Variants in PLAT observed in about 807,000 individuals in gnomAD.
PLAT encodes plasminogen activator, tissue type.
A neutral mutation model predicts 74.9 loss-of-function variants in PLAT; 48 were observed. That is an observed-to-expected ratio of 0.64 (90% CI 0.51 to 0.82). The LOEUF (loss-of-function observed/expected upper bound fraction) is 0.82. Among genes scored for constraint, PLAT ranks in the 40% least tolerant of loss-of-function variants. The probability of loss-of-function intolerance (pLI) is 0.00; values close to 1 mark genes in which losing one functional copy is unlikely to be tolerated. For missense variants in PLAT, 673 were observed against 736.2 expected (o/e 0.91, Z 0.99); for synonymous variants, 307 against 294.4 (o/e 1.04, Z -0.44).
chr8:42,199,261 A>C (rs758650735), intron 1 of PLAT, among the ~76,000 whole-genome samples: 1 of 152,184 alleles, frequency 6.6e-6, no homozygotes, highest in Non-Finnish European at 1.5e-5. Flanking sequence ...AGAAGAGAGG[A>C]AGAGTCTGTT....
At chr8:42,178,155 T>A (rs1456459392) in intron 13 of PLAT, among the ~76,000 whole-genome samples, 1 of 152,238 alleles carries the variant, frequency 6.6e-6, no homozygotes, top group Non-Finnish European at 1.5e-5. Context: ...TTTGAAAACT[T>A]CTTTCTCACA....
At chr8:42,185,698 T>C (rs1221859267) in intron 6 of PLAT, 1 of 152,368 alleles carries the variant, frequency 6.6e-6, no homozygotes, top group African/African-American at 2.4e-5. Flanking sequence ...AGGTGTGGAC[T>C]GGAATAGTCT....
chr8:42,189,015 G>T lies in PLAT; in HGVS notation c.172C>A (p.Arg58Ser), dbSNP rs767004270. Residue 58 changes from arginine (R) to serine (S), a missense_variant, in exon 4 of 14, where the codon CGC (arginine) becomes AGC (serine). Physicochemically the swap from Arg to Ser is moderately radical, Grantham distance 110 (BLOSUM62 -1). Coordinates refer to ENST00000220809, the MANE Select transcript of PLAT (RefSeq NM_000930.5). ...ACCCGGTTGCTTCTGAGCACAGGGC[G>T]CAGCCATGACTGATGTTGCTGGTAT... ...MIYQQHQSWL[R>S]PVLRSNRVEY... The T allele has an allele frequency of 6.2e-7, 1 of 1,613,808 alleles. No individual in the cohort carries two copies. Among genetic ancestry groups the T allele is most frequent in the Non-Finnish European group, 8.5e-7 (1 of 1,179,740 alleles).
intron 2 of PLAT, among the ~76,000 whole-genome samples, chr8:42,192,857 T>G (rs1229870304): frequency 6.6e-6 from 1 of 152,052 alleles, no homozygotes; most frequent in Non-Finnish European, 1.5e-5. Flanking sequence ...AGGCAGGGAG[T>G]GGCATGTTAA....
At chr8:42,188,273 T>C (rs990993553) in intron 4 of PLAT, 1 of 410,346 alleles carries the variant, frequency 2.4e-6, no homozygotes, top group South Asian at 5.4e-5. Context: ...GCTCCAAGGA[T>C]GATGTGAGTT....
In PLAT at chr8:42,175,988, C is replaced by G. The variant is rs775288998; in HGVS notation, c.*5G>C. The G allele has an allele frequency of 3.1e-6, 5 of 1,613,706 alleles. No individual in the cohort carries two copies. Among genetic ancestry groups the G allele is most frequent in the Middle Eastern group, 3.3e-4 (2 of 6,058 alleles). On this transcript the variant is annotated 3_prime_UTR_variant, in exon 14 of 14. Transcript: ENST00000220809. The stretch of plus-strand genomic sequence containing the variant: ...ATTTGCTTTTGAGGAGTCGGGTGTT[C>G]CTGGTCACGGTCGCATGTTGTCACG...
At chr8:42,176,189 A>AG (rs751914920) in intron 13 of PLAT, 38 bp from the exon 14 acceptor site, 1 of 1,568,726 alleles carries the variant, frequency 6.4e-7, no homozygotes, top group East Asian at 2.3e-5. Flanking sequence ...TTGCAAAAAA[A>AG]GCAGACTATC....
chr8:42,193,315 C>T (rs1805758567), intron 1 of PLAT, 104 bp from the exon 2 acceptor site: 1 of 701,020 alleles, frequency 1.4e-6, no homozygotes, highest in Non-Finnish European at 2.5e-6. Context: ...TCCTCCAGTG[C>T]CAGCCCCGCG....
chr8:42,186,417 A>G (rs1346321483), intron 6 of PLAT: 1 of 152,250 alleles, frequency 6.6e-6, no homozygotes, highest in East Asian at 1.9e-4. Context: ...TCAAGGACTC[A>G]GAATACAGCC....
At chr8:42,200,202 ATAT>A in intron 1 of PLAT, among the ~76,000 whole-genome samples, 1 of 152,288 alleles carries the variant, frequency 6.6e-6, no homozygotes, top group South Asian at 2.1e-4. Context: ...ATTTGAGGCA[ATAT>A]TATTACCTCG....
chr8:42,192,830 CA>C (rs1203077260), intron 2 of PLAT, among the ~76,000 whole-genome samples: 3 of 151,994 alleles, frequency 2.0e-5, no homozygotes, highest in Admixed American at 1.3e-4. Context: ...AAAACAGCTG[CA>C]AAAAAAGGCA....
Position 42,188,956 on chromosome 8 carries a change from C to G in PLAT, c.231G>C (p.Gln77His). ...TACTTTTGACAGGCACTGAGTGGCACTGTGCCCTGCCACTGTTGCACCAGC... is the reference window on the plus strand; with the variant it reads ...TACTTTTGACAGGCACTGAGTGGCAGTGTGCCCTGCCACTGTTGCACCAGC... The part of the protein sequence containing the change: ...EYCWCNSGRA[Q>H]CHSVPVKSCS... The change falls in exon 4 of 14, where the codon CAG becomes CAC. Residue 77 changes from glutamine to histidine, a missense_variant. Coordinates refer to ENST00000220809, the MANE Select transcript of PLAT (RefSeq NM_000930.5). 1 of 1,613,834 alleles carries G rather than the reference C, an allele frequency of 6.2e-7. No individual in the cohort carries two copies. The highest frequency in any genetic ancestry group is 8.5e-7 in the Non-Finnish European group (1 of 1,179,812).
rs192704356 is a variant in PLAT at position 42,194,723 on chromosome 8, G to A, written c.-26-1512C>T. ...TAGACTGCTCAGGTTCCTCCACGCA[G>A]GATGGAGCCTACTCCCCTGCCTGAG... On this transcript the variant is annotated intron_variant, in intron 1 of 13. Transcript: ENST00000220809. 8.5e-5 allele frequency among the ~76,000 whole-genome samples: 13 copies of A among 152,292 alleles called. No individual in the cohort carries two copies. The East Asian group carries it at 2.5e-3, about 29-fold the overall frequency.
intron 1 of PLAT, among the ~76,000 whole-genome samples, chr8:42,207,109 A>C (rs1426694906): frequency 1.3e-5 from 2 of 152,206 alleles, no homozygotes; most frequent in Non-Finnish European, 2.9e-5. Context: ...CCCAGCTGTC[A>C]CAGGCACGTG....
chr8:42,194,215 TGA>T lies in PLAT; in HGVS notation c.-26-1006_-26-1005del, dbSNP rs140537859. Among the ~76,000 whole-genome samples, 726 of 119,818 alleles carry T rather than the reference TGA, an allele frequency of 6.1e-3. 4 individuals carry two copies. The highest frequency in any genetic ancestry group is 8.8e-3 in the Non-Finnish European group (557 of 63,282). 78.6% of individuals were successfully genotyped at this position (119,818 alleles called of 152,430 possible). A position where few individuals can be genotyped will look rare whatever the true frequency, so the allele number is the denominator to read the frequency against. On this transcript the variant is annotated intron_variant, in intron 1 of 13. Coordinates refer to ENST00000220809, the MANE Select transcript of PLAT (RefSeq NM_000930.5). ...TCAGGCATGTGCCACTGTGCCTGGC[TGA>T]GAGAGAGAGAGAGAGAGAGAGAGAG... is the stretch of plus-strand genomic sequence containing the variant.
chr8:42,201,006 T>A (rs1233090562), intron 1 of PLAT, among the ~76,000 whole-genome samples: 2 of 152,162 alleles, frequency 1.3e-5, no homozygotes, highest in African/African-American at 4.8e-5. Flanking sequence ...ATTTTTGTAT[T>A]TTTAGTAGAG....
At chr8:42,187,600 C>T in intron 5 of PLAT, 28 bp from the exon 6 acceptor site, 3 of 1,556,228 alleles carry the variant, frequency 1.9e-6, no homozygotes, top group East Asian at 2.3e-5. Flanking sequence ...ATGGATGCCT[C>T]ACATGGGAGT....
Position 42,191,097 on chromosome 8 carries a change from C to A in PLAT, c.115+275G>T, listed in dbSNP as rs964488963. Among the ~76,000 whole-genome samples the A allele has an allele frequency of 2.6e-5, 4 of 152,318 alleles. No individual in the cohort carries two copies. The East Asian group carries it at 7.7e-4, about 29-fold the overall frequency. ...GGACCTTGGGCCAGTGGCCGCCCCC[C>A]CCAGCCCCCGCTAGGTTGTGATCCC... On this transcript the variant is annotated intron_variant, in intron 3 of 13. Transcript: ENST00000220809.
intron 1 of PLAT, among the ~76,000 whole-genome samples, chr8:42,196,523 G>A (rs1321084161): frequency 6.6e-6 from 1 of 152,250 alleles, no homozygotes; most frequent in African/African-American, 2.4e-5. Flanking sequence ...AGAGCGAAGA[G>A]AGGGAGGAAA....
Sources: gnomAD v4.1 joint callset for allele counts (sites outside exome capture counted in the v4.1 genomes callset) on GRCh38, gnomAD v4.1.1 for gene constraint, MANE v1.5 for transcripts, NCBI Gene and HGNC (gene_info 2026-07-23, HGNC 2026-07-21) for gene names.